RXFP1: variants seen among roughly 807,000 people sequenced by gnomAD.
RXFP1 encodes the protein relaxin receptor 1.
Under a neutral mutation model 89.8 loss-of-function variants are expected in RXFP1, and 73 were observed. The ratio of observed to expected loss-of-function variants is 0.81; its 90% CI spans 0.67 to 0.99. The LOEUF is 0.99. Ranked by LOEUF, RXFP1 falls within the 50% of genes least tolerant of loss-of-function variation. The pLI, the probability that RXFP1 is intolerant of heterozygous loss-of-function variation, is 0.00. For missense variants in RXFP1, 793 were observed against 895.5 expected, an observed-to-expected ratio of 0.89 and a Z score of 1.46; for synonymous variants, 277 against 305.5, an observed-to-expected ratio of 0.91 and a Z score of 0.97.
intron 2 of RXFP1, among the ~76,000 whole-genome samples, chr4:158,592,292 G>T (rs559289605): frequency 6.6e-6 from 1 of 152,104 alleles, no homozygotes; most frequent in African/African-American, 2.4e-5. Flanking sequence ...AAAGTTAATC[G>T]GCCAGGCATG....
At chr4:158,571,258 T>C (rs551428531) in intron 1 of RXFP1, among the ~76,000 whole-genome samples, 2 of 152,364 alleles carry the variant, frequency 1.3e-5, no homozygotes, top group East Asian at 3.9e-4. Context: ...GCCTTACACT[T>C]AGCAACTATC....
At chr4:158,641,851 C>G (rs1415206171) in intron 14 of RXFP1, among the ~76,000 whole-genome samples, 2 of 152,180 alleles carry the variant, frequency 1.3e-5, no homozygotes. Flanking sequence ...ATGCTAACAC[C>G]TACCTCACGG....
chr4:158,626,979 A>G, intron 10 of RXFP1, 88 bp downstream of exon 10: 1 of 588,624 alleles, frequency 1.7e-6, no homozygotes, highest in Non-Finnish European at 2.8e-6. Flanking sequence ...AAAAAATCCC[A>G]AAGAACATCA....
chr4:158,643,079 A>C (rs1770699937), intron 14 of RXFP1, among the ~76,000 whole-genome samples: 1 of 152,112 alleles, frequency 6.6e-6, no homozygotes, highest in South Asian at 2.1e-4. Flanking sequence ...CCTGTTTGGC[A>C]CCATGTTGTC....
chr4:158,621,501 T>C (rs1206321373), intron 9 of RXFP1, among the ~76,000 whole-genome samples: 2 of 152,224 alleles, frequency 1.3e-5, no homozygotes, highest in East Asian at 1.9e-4. Context: ...GTATAGTGCA[T>C]TGAGTAAAGT....
intron 4 of RXFP1, among the ~76,000 whole-genome samples, chr4:158,601,932 A>G (rs1761758488): frequency 6.6e-6 from 1 of 152,190 alleles, no homozygotes; most frequent in Admixed American, 6.5e-5. Context: ...AGATCCTGGA[A>G]TTTAATCACT....
At chr4:158,550,038 C>T (rs1364238405) in intron 1 of RXFP1, among the ~76,000 whole-genome samples, 2 of 152,238 alleles carry the variant, frequency 1.3e-5, no homozygotes, top group Non-Finnish European at 2.9e-5. Flanking sequence ...TGTCTGTGCC[C>T]TGCCCCCAGA....
intron 6 of RXFP1, chr4:158,610,775 AC>A (rs920801496): frequency 1.7e-6 from 2 of 1,175,152 alleles, no homozygotes; most frequent in Admixed American, 4.7e-5. Context: ...GTCATTTCTT[AC>A]CCCTTACTGT....
rs1761777868 is a variant in RXFP1 at position 158,602,033 on chromosome 4, C to T, written c.392+2602C>T. Among the ~76,000 whole-genome samples, 6 of 152,282 alleles carry T rather than the reference C, an allele frequency of 3.9e-5. No homozygotes were observed. The South Asian group carries it at 1.2e-3, about 32-fold the overall frequency. On this transcript the variant is annotated intron_variant, in intron 4 of 17. Coordinates refer to ENST00000307765, the MANE Select transcript of RXFP1 (RefSeq NM_021634.4). ...ATTAAACTAGGCCATTTCTCTCTCA[C>T]ACACATACAAACACAAACCCTCTTT... is the stretch of plus-strand genomic sequence containing the variant.
At chr4:158,574,724 T>A (rs1209193847) in intron 2 of RXFP1, among the ~76,000 whole-genome samples, 1 of 152,198 alleles carries the variant, frequency 6.6e-6, no homozygotes. Context: ...GATAATAAAC[T>A]TTTAAATTTT....
chr4:158,531,639 A>G (rs1744068231), intron 1 of RXFP1, among the ~76,000 whole-genome samples: 1 of 152,160 alleles, frequency 6.6e-6, no homozygotes, highest in Non-Finnish European at 1.5e-5. Context: ...GAAATGTTAT[A>G]AACTACTACT....
chr4:158,609,509 T>C (rs1394628808), intron 6 of RXFP1, among the ~76,000 whole-genome samples: 3 of 152,216 alleles, frequency 2.0e-5, no homozygotes, highest in African/African-American at 7.2e-5. Context: ...CATGAATACA[T>C]AACTCCCTGT....
At chr4:158,620,303 A>G (rs904181380) in intron 9 of RXFP1, among the ~76,000 whole-genome samples, 6 of 152,186 alleles carry the variant, frequency 3.9e-5, no homozygotes, top group African/African-American at 1.4e-4. Flanking sequence ...GGCAAAACAG[A>G]ATCCAAAAGC....
At chr4:158,562,844 A>G (rs1456248544) in intron 1 of RXFP1, among the ~76,000 whole-genome samples, 2 of 151,798 alleles carry the variant, frequency 1.3e-5, no homozygotes, top group Non-Finnish European at 1.5e-5. Context: ...TAAACCAACA[A>G]GAGGCTGATT....
intron 9 of RXFP1, among the ~76,000 whole-genome samples, chr4:158,620,971 A>T (rs576355691): frequency 9.9e-5 from 15 of 151,952 alleles, no homozygotes; most frequent in Admixed American, 3.3e-4. Context: ...AATTTTTTTT[A>T]AAAAATTAGC....
At chr4:158,616,502 A>C (rs865983714) in intron 8 of RXFP1, among the ~76,000 whole-genome samples, 6 of 151,462 alleles carry the variant, frequency 4.0e-5, no homozygotes, top group South Asian at 4.1e-4. Context: ...AAGAAAAAAA[A>C]TGCCTTTAAA....
At chr4:158,527,564 A>AAAAAAAATATATATATATAT (rs5741905) in intron 1 of RXFP1, among the ~76,000 whole-genome samples, 24 of 98,328 alleles carry the variant, frequency 2.4e-4, no homozygotes, top group African/African-American at 7.4e-4. Context: ...AAAAAAAAAA[A>AAAAAAAATATATATATATAT]ATATATATAT....
chr4:158,633,585 CAT>C, intron 12 of RXFP1, 109 bp downstream of exon 12: 2 of 605,982 alleles, frequency 3.3e-6, no homozygotes, highest in Non-Finnish European at 5.7e-6. Flanking sequence ...AGTTGAGTAG[CAT>C]TAGCTACATT....
At chr4:158,590,865 T>G (rs1759313063) in intron 2 of RXFP1, among the ~76,000 whole-genome samples, 1 of 152,182 alleles carries the variant, frequency 6.6e-6, no homozygotes, top group Non-Finnish European at 1.5e-5. Context: ...AAAAATGTGT[T>G]TGTAGAATCA....
Sources: allele counts gnomAD v4.1 joint callset (sites outside exome capture counted in the v4.1 genomes callset), GRCh38; gene constraint gnomAD v4.1.1; transcripts MANE v1.5; gene names NCBI Gene and HGNC (gene_info 2026-07-23, HGNC 2026-07-21).